ALK: variants seen among roughly 807,000 people sequenced by gnomAD.
ALK encodes ALK receptor tyrosine kinase.
A neutral mutation model predicts 163.1 loss-of-function variants in ALK; 74 were observed. The observed-to-expected ratio is 0.45, with a 90% CI of 0.38 to 0.55. ALK has a LOEUF of 0.55. ALK is among the 20% of genes least tolerant of loss of function. The pLI, the probability that ALK is intolerant of heterozygous loss-of-function variation, is 0.00. For missense variants in ALK, 2,063 were observed against 2,105.3 expected, an observed-to-expected ratio of 0.98 and a Z score of 0.39; for synonymous variants, 960 against 843.2, an observed-to-expected ratio of 1.14 and a Z score of -2.40.
At chr2:29,418,765 T>C (rs2148327816) in intron 4 of ALK, among the ~76,000 whole-genome samples, 2 of 152,368 alleles carry the variant, frequency 1.3e-5, no homozygotes, top group African/African-American at 4.8e-5. Context: ...AGTCTTTCTT[T>C]TTAAATTATG....
intron 8 of ALK, among the ~76,000 whole-genome samples, chr2:29,307,038 G>A (rs949374372): frequency 7.9e-5 from 12 of 152,372 alleles, no homozygotes; most frequent in South Asian, 2.1e-4. Flanking sequence ...AGCCGGAACG[G>A]CATTGTGGCT....
chr2:29,582,159 A>C (rs1315631932), intron 3 of ALK, among the ~76,000 whole-genome samples: 1 of 152,234 alleles, frequency 6.6e-6, no homozygotes, highest in African/African-American at 2.4e-5. Context: ...AGATAGAGCC[A>C]CTTCTGGAGG....
chr2:29,208,261 C>T (rs1315658856), intron 25 of ALK, among the ~76,000 whole-genome samples: 1 of 152,100 alleles, frequency 6.6e-6, no homozygotes, highest in Non-Finnish European at 1.5e-5. Flanking sequence ...GGAGAAAAGA[C>T]GCTCTCCCAG....
intron 12 of ALK, among the ~76,000 whole-genome samples, chr2:29,244,643 G>A (rs1664611309): frequency 6.6e-6 from 1 of 152,226 alleles, no homozygotes; most frequent in Non-Finnish European, 1.5e-5. Context: ...CTGTGGAGAG[G>A]AGGGAAGACA....
intron 1 of ALK, among the ~76,000 whole-genome samples, chr2:29,903,135 A>G (rs1667458163): frequency 6.6e-6 from 1 of 152,180 alleles, no homozygotes; most frequent in South Asian, 2.1e-4. Flanking sequence ...CAGGGACTAC[A>G]TCTTGTAATT....
At chr2:29,413,683 C>T (rs1304209900) in intron 4 of ALK, among the ~76,000 whole-genome samples, 1 of 152,164 alleles carries the variant, frequency 6.6e-6, no homozygotes, top group Non-Finnish European at 1.5e-5. Context: ...AGGCACCCTC[C>T]ACCATGCCCG....
chr2:29,349,902 G>C (rs6736773), intron 5 of ALK, among the ~76,000 whole-genome samples: 24,071 of 152,182 alleles, frequency 0.16, 2,119 homozygotes, highest in South Asian at 0.29. Flanking sequence ...AGTGAGGGCT[G>C]GTCAGGAGAC....
At chr2:29,446,602 G>A (rs13412694) in intron 4 of ALK, among the ~76,000 whole-genome samples, 1,957 of 152,206 alleles carry the variant, frequency 0.013, 49 homozygotes, top group African/African-American at 0.045. Flanking sequence ...TGGCTCTTCC[G>A]CCACCACTGC....
intron 3 of ALK, among the ~76,000 whole-genome samples, chr2:29,684,479 C>A (rs1216037370): frequency 6.6e-6 from 1 of 152,204 alleles, no homozygotes; most frequent in African/African-American, 2.4e-5. Flanking sequence ...CACTTCCTCA[C>A]ATGGATTGCA....
intron 1 of ALK, among the ~76,000 whole-genome samples, chr2:29,768,407 G>C (rs1197592578): frequency 3.3e-5 from 5 of 152,084 alleles, no homozygotes; most frequent in Non-Finnish European, 7.4e-5. Flanking sequence ...TTGGTATAAA[G>C]CAAGAAAACA....
At chr2:29,491,042 T>C (rs1558347962) in intron 4 of ALK, among the ~76,000 whole-genome samples, 3 of 152,370 alleles carry the variant, frequency 2.0e-5, no homozygotes, top group South Asian at 4.1e-4. Context: ...TCCATGTTCA[T>C]AGGCCCCTCA....
intron 1 of ALK, among the ~76,000 whole-genome samples, chr2:29,787,497 C>T (rs1018185400): frequency 6.6e-6 from 1 of 152,236 alleles, no homozygotes; most frequent in Non-Finnish European, 1.5e-5. Flanking sequence ...TGAAGATAAA[C>T]AATGCACAGG....
rs765124982 is a variant in ALK, at chr2:29,919,982, G to T, written c.667+11C>A. 56 of 1,612,576 alleles carry T rather than the reference G, an allele frequency of 3.5e-5. No individual in the cohort carries two copies. Among genetic ancestry groups the T allele is most frequent in the East Asian group, 4.5e-5 (2 of 44,830 alleles). Reference sequence around the variant, plus strand: ...ACTAAATCCCGGCACACTCAGGCGGGAGCTGCTCACCAGTCCCGAAGATCT... The same window carrying T: ...ACTAAATCCCGGCACACTCAGGCGGTAGCTGCTCACCAGTCCCGAAGATCT... On this transcript the variant is annotated intron_variant, in intron 1 of 28. Coordinates refer to ENST00000389048, the MANE Select transcript of ALK (RefSeq NM_004304.5).
At chr2:29,596,301 G>A (rs114678383) in intron 3 of ALK, among the ~76,000 whole-genome samples, 1 of 152,258 alleles carries the variant, frequency 6.6e-6, no homozygotes, top group Non-Finnish European at 1.5e-5. Flanking sequence ...CTGTGAAAAT[G>A]ACTCTGGGGT....
intron 4 of ALK, among the ~76,000 whole-genome samples, chr2:29,508,045 T>C (rs1672385883): frequency 6.6e-6 from 1 of 152,206 alleles, no homozygotes; most frequent in Admixed American, 6.5e-5. Context: ...GTCCTGAGCA[T>C]GTTTGGCCCC....
intron 4 of ALK, among the ~76,000 whole-genome samples, chr2:29,446,197 A>C (rs563250796): frequency 6.6e-6 from 1 of 151,992 alleles, no homozygotes; most frequent in African/African-American, 2.4e-5. Context: ...AGAAAACACA[A>C]CAACCAGCAA....
intron 11 of ALK, among the ~76,000 whole-genome samples, chr2:29,252,394 G>A (rs1033962565): frequency 6.6e-6 from 1 of 152,214 alleles, no homozygotes; most frequent in Non-Finnish European, 1.5e-5. Flanking sequence ...CTAGTCTAAG[G>A]AAAATGATGG....
At chr2:29,449,566 C>T (rs1367466927) in intron 4 of ALK, among the ~76,000 whole-genome samples, 2 of 152,180 alleles carry the variant, frequency 1.3e-5, no homozygotes, top group Non-Finnish European at 2.9e-5. Context: ...CAGTTCAGAT[C>T]CATCTTACTT....
intron 4 of ALK, among the ~76,000 whole-genome samples, chr2:29,529,044 A>T (rs1261942648): frequency 1.3e-5 from 2 of 152,110 alleles, no homozygotes; most frequent in Non-Finnish European, 1.5e-5. Flanking sequence ...TTTCCAGGCA[A>T]CCAGGAAGGC....
Sources: gnomAD v4.1 joint callset for allele counts (sites outside exome capture counted in the v4.1 genomes callset) on GRCh38, gnomAD v4.1.1 for gene constraint, MANE v1.5 for transcripts, NCBI Gene and HGNC (gene_info 2026-07-23, HGNC 2026-07-21) for gene names.